The following DGKZ variants were observed in gnomAD, a reference collection of about 807,000 sequenced individuals.
The protein encoded by DGKZ is DAG kinase zeta.
A neutral mutation model predicts 142.5 loss-of-function variants in DGKZ; 45 were observed. That is an observed-to-expected ratio of 0.32 (90% confidence interval 0.25 to 0.40). The LOEUF (loss-of-function observed/expected upper bound fraction) is 0.40. Among genes scored for constraint, DGKZ ranks in the 10% least tolerant of loss-of-function variants. DGKZ has a pLI of 1.00. For missense variants in DGKZ, 755 were observed against 1,306.5 expected, an observed-to-expected ratio of 0.58 and a Z score of 6.51; for synonymous variants, 442 against 527.0, an observed-to-expected ratio of 0.84 and a Z score of 2.21.
Position 46,367,473 on chromosome 11 carries a change from C to T in DGKZ, c.270+74C>T. On this transcript the variant is annotated intron_variant, in intron 2 of 30. Coordinates refer to ENST00000527911, the Ensembl canonical transcript of DGKZ. This position sits in a 1 kb window ranked among gnomAD's most constrained non-coding sequence, Gnocchi z 4.1. ...AAGGCGCAGCTGGCGGGTGGAGGCA[C>T]TAAAGGCAGCTGGGAGAGCCAAGCC... 6.6e-7 allele frequency: 1 copy of T among 1,510,164 alleles called. No individual in the cohort carries two copies. Among genetic ancestry groups the T allele is most frequent in the Non-Finnish European group, 9.1e-7 (1 of 1,104,480 alleles). 93.5% of individuals were successfully genotyped at this position (1,510,164 alleles called of 1,614,324 possible). A position where few individuals can be genotyped will look rare whatever the true frequency, so the allele number is the denominator to read the frequency against.
exon 30 of DGKZ, chr11:46,379,530 G>A (rs540339132): frequency 1.2e-6 from 2 of 1,611,604 alleles, no homozygotes; most frequent in Admixed American, 1.7e-5. Flanking sequence ...CCACTACATC[G>A]TGGAGGCCGG....
At chr11:46,337,754 G>C (rs1443336870) in intron 1 of DGKZ, among the ~76,000 whole-genome samples, 2 of 151,622 alleles carry the variant, frequency 1.3e-5, no homozygotes, top group Admixed American at 1.3e-4. Flanking sequence ...GAAGGAAAAA[G>C]AGAAAAGGGC....
At chr11:46,360,488 C>CAA (rs35812065) in intron 1 of DGKZ, among the ~76,000 whole-genome samples, 5 of 96,106 alleles carry the variant, frequency 5.2e-5, no homozygotes, top group Admixed American at 1.2e-4. Context: ...CTTTCCTCAT[C>CAA]AAAAAAAAAA....
chr11:46,369,202 C>A, intron 4 of DGKZ: 1 of 489,718 alleles, frequency 2.0e-6, no homozygotes, highest in Non-Finnish European at 3.7e-6. Flanking sequence ...AAAAAAACAA[C>A]GAGCAAACCA....
In DGKZ at chr11:46,372,937, C is replaced by T. The variant is rs1944119602; in HGVS notation, c.1186-24C>T. On this transcript the variant is annotated intron_variant, in intron 13 of 30. Coordinates refer to ENST00000527911, the Ensembl canonical transcript of DGKZ. The surrounding 1 kb of genome is among the most constrained non-coding windows in gnomAD (Gnocchi z 5.9). ...CTGGGGCCTCTCCAGCCACAGAGGG[C>T]TCAGTCCCTGCCTGCTCCCCCAGGG... The T allele has an allele frequency of 6.4e-7, 1 of 1,553,388 alleles. No homozygotes were observed. Among genetic ancestry groups the T allele is most frequent in the Non-Finnish European group, 8.7e-7 (1 of 1,148,012 alleles).
chr11:46,334,796 G>A (rs533538738), intron 1 of DGKZ, among the ~76,000 whole-genome samples: 2 of 152,314 alleles, frequency 1.3e-5, no homozygotes, highest in East Asian at 3.9e-4. Context: ...ATGTCCCCCT[G>A]GGGCAGGAGG....
At position 46,372,176 on chromosome 11, in the gene DGKZ, C is replaced by T. The variant is rs376373951; in HGVS notation, c.927+6C>T. 2.0e-5 allele frequency: 32 copies of T among 1,600,424 alleles called. No individual in the cohort carries two copies. The highest frequency in any genetic ancestry group is 1.3e-4 in the South Asian group (12 of 89,584). ...CCAAGAGTGGGGGCAACCAGGTGAACGCGGCCTTGCCTCTCAGCTAAGGGC... is the reference window on the plus strand; with the variant it reads ...CCAAGAGTGGGGGCAACCAGGTGAATGCGGCCTTGCCTCTCAGCTAAGGGC... On this transcript the variant is annotated splice_donor_region_variant and intron_variant, in intron 10 of 30. Coordinates refer to ENST00000527911, the Ensembl canonical transcript of DGKZ. This position sits in a 1 kb window ranked among gnomAD's most constrained non-coding sequence, Gnocchi z 5.9.
chr11:46,372,028 G>T lies in DGKZ; in HGVS notation c.832-47G>T. 1 of 1,535,566 alleles carries T rather than the reference G, an allele frequency of 6.5e-7. No individual in the cohort carries two copies. The highest frequency in any genetic ancestry group is 8.9e-7 in the Non-Finnish European group (1 of 1,125,976). ...GGGGCCTGCTAAGGATGATGGTAGG[G>T]TGTCCTGGACGGGAAGGAGCTTACA... On this transcript the variant is annotated intron_variant, in intron 9 of 30. Coordinates refer to ENST00000527911, the Ensembl canonical transcript of DGKZ. The surrounding 1 kb of genome is among the most constrained non-coding windows in gnomAD (Gnocchi z 5.9).
chr11:46,342,440 G>A (rs908069213), intron 1 of DGKZ, among the ~76,000 whole-genome samples: 2 of 152,202 alleles, frequency 1.3e-5, no homozygotes, highest in African/African-American at 2.4e-5. Flanking sequence ...GCTGCCAGAC[G>A]CCTCAGATGG....
upstream of DGKZ, among the ~76,000 whole-genome samples, chr11:46,343,940 T>C (rs1318800322): frequency 6.6e-6 from 1 of 152,078 alleles, no homozygotes; most frequent in East Asian, 1.9e-4. Context: ...GGCTTCATTT[T>C]TCTTTATAGC....
chr11:46,372,201 C>T lies in DGKZ; in HGVS notation c.927+31C>T, dbSNP rs760169454. Reference sequence around the variant, plus strand: ...CGCGGCCTTGCCTCTCAGCTAAGGGCTCGGGCGGGGGTTGGGGTCCAGCCC... The same window carrying T: ...CGCGGCCTTGCCTCTCAGCTAAGGGTTCGGGCGGGGGTTGGGGTCCAGCCC... On this transcript the variant is annotated intron_variant, in intron 10 of 30. Transcript: ENST00000527911. This position sits in a 1 kb window ranked among gnomAD's most constrained non-coding sequence, Gnocchi z 5.9. The T allele has an allele frequency of 6.4e-7, 1 of 1,557,072 alleles. No homozygotes were observed. The highest frequency in any genetic ancestry group is 1.2e-5 in the South Asian group (1 of 85,166).
rs1303807108 is a variant in DGKZ at position 46,376,411 on chromosome 11, C to T, written c.2161+14C>T. On this transcript the variant is annotated intron_variant, in intron 23 of 30. Transcript: ENST00000527911. ...GCTTCCTGGACGGTGAGTCTACTCC[C>T]AGGGTGCCAAGCTGTTTCGTGTTCC... The T allele has an allele frequency of 2.5e-6, 4 of 1,614,082 alleles. No homozygotes were observed. The highest frequency in any genetic ancestry group is 3.4e-6 in the Non-Finnish European group (4 of 1,179,990).
chr11:46,367,343 C>G lies in DGKZ; in HGVS notation c.214C>G (p.Pro72Ala). The G allele has an allele frequency of 6.2e-7, 1 of 1,613,150 alleles. No homozygotes were observed. Among genetic ancestry groups the G allele is most frequent in the Non-Finnish European group, 8.5e-7 (1 of 1,179,996 alleles). Residue 72 changes from proline (P) to alanine (A), a missense_variant, in exon 2 of 31, where the codon CCT (proline) becomes GCT (alanine). Transcript: ENST00000527911. The surrounding 1 kb of genome is among the most constrained non-coding windows in gnomAD (Gnocchi z 4.1). ...GCACCTGGCCCCCCCTCCGCCCACC[C>G]CTGGGGCCCCGTGCAGCGAGTCAGA...
chr11:46,374,850 G>C lies in DGKZ; in HGVS notation c.1598+11G>C. The C allele has an allele frequency of 6.3e-7, 1 of 1,586,726 alleles. No homozygotes were observed. The highest frequency in any genetic ancestry group is 8.6e-7 in the Non-Finnish European group (1 of 1,162,898). ...CCTGAACATCCCCAGGTGAGGAGGG[G>C]GCTACCGGAGCTGGGGGGAGCCCTG... On this transcript the variant is annotated intron_variant, in intron 18 of 30. Transcript: ENST00000527911.
chr11:46,335,422 T>TGCAC (rs1018471685), intron 1 of DGKZ, among the ~76,000 whole-genome samples: 1 of 145,740 alleles, frequency 6.9e-6, no homozygotes, highest in Non-Finnish European at 1.5e-5. Context: ...GTTGCACACG[T>TGCAC]GCACGCACAC....
chr11:46,361,497 A>C, intron 1 of DGKZ: 1 of 375,734 alleles, frequency 2.7e-6, no homozygotes, highest in Non-Finnish European at 3.7e-6. Context: ...TGGGAGAGGA[A>C]GTGCGTTCAG....
At chr11:46,362,095 C>T (rs894141658) in intron 1 of DGKZ, 1 of 152,386 alleles carries the variant, frequency 6.6e-6, no homozygotes, top group Non-Finnish European at 1.5e-5. Flanking sequence ...TTCCCCACCT[C>T]CTTCCCTCCA....
chr11:46,356,040 C>T (rs1012648531), intron 1 of DGKZ, among the ~76,000 whole-genome samples: 1 of 152,180 alleles, frequency 6.6e-6, no homozygotes, highest in African/African-American at 2.4e-5. Flanking sequence ...GCCACCCGCC[C>T]GGCCAGGGTG....
rs375247412 is a variant in DGKZ at position 46,375,435 on chromosome 11, G to A, written c.1714G>A (p.Ala572Thr). The change falls in exon 20 of 31, where the codon GCG (alanine) becomes ACG (threonine). Residue 572 changes from alanine (A) to threonine (T), a missense_variant. By Grantham distance (58) the Ala-to-Thr change is moderately conservative. This residue lies in a region of DGKZ where 191 missense variants were observed against 472.1 expected (regional missense o/e 0.40). Transcript: ENST00000527911. ...CCCAAGCTTCCTGTGCCCACAGGCC[G>A]CGCTGCAGGTGGGCGGACACGGCGA... 1.9e-4 allele frequency: 298 copies of A among 1,570,266 alleles called. 1 individual carries two copies. The highest frequency in any genetic ancestry group is 2.4e-4 in the Non-Finnish European group (278 of 1,163,542).
Sources: allele counts gnomAD v4.1 joint callset (sites outside exome capture counted in the v4.1 genomes callset), GRCh38; gene constraint gnomAD v4.1.1; regional missense constraint gnomAD v4.1.1; non-coding constraint Gnocchi (gnomAD v3.1); transcripts MANE v1.5; gene names NCBI Gene and HGNC (gene_info 2026-07-23, HGNC 2026-07-21).